The following ARCN1 variants were observed in gnomAD, a reference collection of about 807,000 sequenced individuals.
The protein encoded by ARCN1 is archain 1 coat protein complex I subunit delta.
In ARCN1, 5 loss-of-function variants were observed where a neutral mutation model predicts 60.4. The ratio of observed to expected loss-of-function variants is 0.08; its 90% CI spans 0.04 to 0.17. The LOEUF (loss-of-function observed/expected upper bound fraction) is 0.17. Ranked by LOEUF, ARCN1 falls within the 10% of genes least tolerant of loss-of-function variation. The probability of loss-of-function intolerance (pLI) is 1.00; values close to 1 mark genes in which losing one functional copy is unlikely to be tolerated. For synonymous variants in ARCN1, 224 were observed against 220.0 expected (o/e 1.02, Z -0.16); for missense variants, 464 against 626.5 (o/e 0.74, Z 2.77).
In ARCN1 at chr11:118,598,373, G is replaced by A. The variant is rs1939074664; in HGVS notation, c.1446+462G>A. On this transcript the variant is annotated intron_variant, in intron 9 of 9. Coordinates refer to ENST00000264028, the MANE Select transcript of ARCN1 (RefSeq NM_001655.5). ...TCTATTACAAATGGAAATTATTTGA[G>A]GGTTATTTATGTCACAGCTCCCTTT... is the stretch of plus-strand genomic sequence containing the variant. Among the ~76,000 whole-genome samples the A allele has an allele frequency of 2.0e-5, 3 of 151,882 alleles. No homozygotes were observed. The South Asian group carries it at 6.2e-4, about 31-fold the overall frequency.
intron 8 of ARCN1, among the ~76,000 whole-genome samples, chr11:118,596,124 A>G (rs1336998829): frequency 1.3e-5 from 2 of 152,126 alleles, no homozygotes; most frequent in Non-Finnish European, 2.9e-5. Context: ...TGATAATTCA[A>G]GCCTTTACAT....
Position 118,584,130 on chromosome 11 carries a change from T to C in ARCN1, c.653+116T>C, listed in dbSNP as rs550533494. On this transcript the variant is annotated intron_variant, in intron 4 of 9. Coordinates refer to ENST00000264028, the MANE Select transcript of ARCN1 (RefSeq NM_001655.5). Reference sequence around the variant, plus strand: ...TAAAGAAGGACTTGATGAAGTAAGATATGATGTTACATTTGGCCACATACA... The same window carrying C: ...TAAAGAAGGACTTGATGAAGTAAGACATGATGTTACATTTGGCCACATACA... 209 of 1,032,676 alleles carry C rather than the reference T, an allele frequency of 2.0e-4. No homozygotes were observed. In the African/African-American group the frequency reaches 3.1e-3, roughly 15 times the overall value. The allele number at this position is 1,032,676 out of a possible 1,614,324, so 64.0% of individuals were successfully genotyped here.
chr11:118,573,987 A>G (rs1938421924), intron 1 of ARCN1, among the ~76,000 whole-genome samples: 1 of 152,222 alleles, frequency 6.6e-6, no homozygotes, highest in South Asian at 2.1e-4. Context: ...GTCTTGTATT[A>G]TATAAACCAG....
At chr11:118,589,042 A>G (rs1252538120) in intron 5 of ARCN1, among the ~76,000 whole-genome samples, 2 of 152,216 alleles carry the variant, frequency 1.3e-5, no homozygotes, top group African/African-American at 4.8e-5. Flanking sequence ...CAAAAAGCTA[A>G]AAAAACTATC....
Position 118,577,627 on chromosome 11 carries a change from C to T in ARCN1, c.4-3619C>T, listed in dbSNP as rs144042161. 5.3e-5 allele frequency among the ~76,000 whole-genome samples: 8 copies of T among 152,226 alleles called. No homozygotes were observed. In the East Asian group the frequency reaches 9.7e-4, roughly 18 times the overall value. ...TCCTCTGAATTTCCACGCACTTTAT[C>T]GGTTACTCTCTCATGTTACTTAACA... On this transcript the variant is annotated intron_variant, in intron 1 of 9. Transcript: ENST00000264028.
At chr11:118,589,154 C>T (rs1482412115) in intron 5 of ARCN1, among the ~76,000 whole-genome samples, 4 of 151,856 alleles carry the variant, frequency 2.6e-5, no homozygotes, top group Non-Finnish European at 5.9e-5. Flanking sequence ...GGTAAAGTGC[C>T]GTGTTGTATA....
chr11:118,581,611 C>T (rs1430959098), intron 2 of ARCN1, 102 bp downstream of exon 2: 19 of 1,245,644 alleles, frequency 1.5e-5, no homozygotes, highest in Non-Finnish European at 2.0e-5. Context: ...TTTGCAGGTT[C>T]CTACTCCGCA....
At position 118,584,061 on chromosome 11, in the gene ARCN1, G is replaced by A. The variant is rs782019966; in HGVS notation, c.653+47G>A. The A allele has an allele frequency of 1.9e-6, 3 of 1,540,338 alleles. No individual in the cohort carries two copies. In the African/African-American group the frequency reaches 4.1e-5, roughly 21 times the overall value. ...AATACCAGGTGAAGGGTGTATATGT[G>A]TCTATCTTTGAAGTCATAATCTGAT... On this transcript the variant is annotated intron_variant, in intron 4 of 9. Coordinates refer to ENST00000264028, the MANE Select transcript of ARCN1 (RefSeq NM_001655.5).
chr11:118,591,030 C>T (rs549959409), intron 6 of ARCN1, among the ~76,000 whole-genome samples: 1 of 152,202 alleles, frequency 6.6e-6, no homozygotes, highest in African/African-American at 2.4e-5. Context: ...GGCGTGGTGG[C>T]ACAATGCGAA....
Position 118,602,466 on chromosome 11 carries a change from G to A in ARCN1, c.*1752G>A, listed in dbSNP as rs1555078328. 1 of 153,806 alleles carries A rather than the reference G, an allele frequency of 6.5e-6. No individual in the cohort carries two copies. Among genetic ancestry groups the A allele is most frequent in the Non-Finnish European group, 1.5e-5 (1 of 68,086 alleles). 9.5% of individuals were successfully genotyped at this position (153,806 alleles called of 1,614,324 possible). A position where few individuals can be genotyped will look rare whatever the true frequency, so the allele number is the denominator to read the frequency against. ...TAGATGACTTCTGCACTTTTAGCTG[G>A]TTGAAAAGTACCACTCCCACTCTGA... On this transcript the variant is annotated 3_prime_UTR_variant, in exon 10 of 10. Coordinates refer to ENST00000264028, the MANE Select transcript of ARCN1 (RefSeq NM_001655.5).
rs576670749 is a variant in ARCN1 at position 118,597,720 on chromosome 11, G to A, written c.1255G>A (p.Ala419Thr). Residue 419 changes from alanine (A) to threonine (T), a missense_variant, in exon 9 of 10, where the codon GCG becomes ACG. Transcript: ENST00000264028. Reference sequence around the variant, plus strand: ...TTCTCACAACAGGTCTGGTGTCGGCGCGCCTGTTATCGGTGAGATCGATGG... The same window carrying A: ...TTCTCACAACAGGTCTGGTGTCGGCACGCCTGTTATCGGTGAGATCGATGG... ...ITIPLPSGVG[A>T]PVIGEIDGEY... The A allele has an allele frequency of 8.7e-6, 14 of 1,614,080 alleles. No homozygotes were observed. The highest frequency in any genetic ancestry group is 2.2e-5 in the East Asian group (1 of 44,890).
intron 9 of ARCN1, among the ~76,000 whole-genome samples, chr11:118,598,399 A>G (rs1451424137): frequency 6.6e-6 from 1 of 151,620 alleles, no homozygotes; most frequent in Admixed American, 6.6e-5. Context: ...AGCTCCCTTT[A>G]TTAGTACAAA....
intron 8 of ARCN1, among the ~76,000 whole-genome samples, chr11:118,594,379 C>T (rs1352337663): frequency 2.0e-5 from 3 of 152,052 alleles, no homozygotes; most frequent in South Asian, 4.2e-4. Flanking sequence ...GGATTATAAG[C>T]GTGAGCCACC....
At chr11:118,582,122 C>T (rs1938669268) in intron 2 of ARCN1, among the ~76,000 whole-genome samples, 1 of 151,962 alleles carries the variant, frequency 6.6e-6, no homozygotes, top group Non-Finnish European at 1.5e-5. Context: ...TTAGTGTGGG[C>T]AACACAGCAA....
At chr11:118,586,153 G>A (rs1419387382) in intron 5 of ARCN1, among the ~76,000 whole-genome samples, 1 of 151,492 alleles carries the variant, frequency 6.6e-6, no homozygotes, top group African/African-American at 2.4e-5. Flanking sequence ...TCCCAGACTG[G>A]AGTGCAATGG....
Position 118,601,466 on chromosome 11 carries a change from C to G in ARCN1, c.*752C>G. 4.9e-6 allele frequency: 3 copies of G among 614,826 alleles called. No homozygotes were observed. Among genetic ancestry groups the G allele is most frequent in the South Asian group, 3.9e-5 (2 of 50,872 alleles). 38.1% of individuals were successfully genotyped at this position (614,826 alleles called of 1,614,324 possible). ...CTGTAGAAAATTTTAATCATTCATA[C>G]CCTTTACCTTTAGGTTTTTCTTTCT... On this transcript the variant is annotated 3_prime_UTR_variant, in exon 10 of 10. Transcript: ENST00000264028.
At chr11:118,575,230 G>A (rs2135529824) in intron 1 of ARCN1, among the ~76,000 whole-genome samples, 1 of 152,160 alleles carries the variant, frequency 6.6e-6, no homozygotes, top group East Asian at 1.9e-4. Context: ...TGCCCGCCTC[G>A]GCCTCCCAAA....
chr11:118,582,234 C>G (rs986338892), intron 2 of ARCN1, among the ~76,000 whole-genome samples: 1 of 152,086 alleles, frequency 6.6e-6, no homozygotes, highest in Non-Finnish European at 1.5e-5. Context: ...CCTCCACCTC[C>G]CAGGTTCAAG....
chr11:118,589,579 G>A (rs1938851985), intron 5 of ARCN1, among the ~76,000 whole-genome samples: 2 of 151,968 alleles, frequency 1.3e-5, no homozygotes, highest in South Asian at 2.1e-4. Context: ...CACCACACCC[G>A]GCTAATTTTG....
Sources: gnomAD v4.1 joint callset for allele counts (sites outside exome capture counted in the v4.1 genomes callset) on GRCh38, gnomAD v4.1.1 for gene constraint, MANE v1.5 for transcripts, NCBI Gene and HGNC (gene_info 2026-07-23, HGNC 2026-07-21) for gene names.